Variants in HEMK2 observed in about 807,000 individuals in gnomAD.
The protein encoded by HEMK2 is HemK methyltransferase 2, ETF1 glutamine and histone H4 lysine.
chr21:28,667,142 T>C, the HEMK2 span, among the ~76,000 whole-genome samples: 1 of 152,174 alleles, frequency 6.6e-6, no homozygotes, highest in Non-Finnish European at 1.5e-5. Context: ...TCAGAGTAGG[T>C]CCTGATGAAA....
chr21:28,640,131 G>T, the HEMK2 span, among the ~76,000 whole-genome samples: 4 of 152,218 alleles, frequency 2.6e-5, no homozygotes, highest in African/African-American at 9.6e-5. Flanking sequence ...TCTACAGATA[G>T]ATAGAAGAAT....
At chr21:28,822,925 C>T in the HEMK2 span, among the ~76,000 whole-genome samples, 1 of 152,086 alleles carries the variant, frequency 6.6e-6, no homozygotes, top group Admixed American at 6.6e-5. Flanking sequence ...TTGCTGACAA[C>T]TGTAGTATGT....
chr21:28,840,556 A>T, the HEMK2 span, among the ~76,000 whole-genome samples: 1 of 152,186 alleles, frequency 6.6e-6, no homozygotes, highest in African/African-American at 2.4e-5. Context: ...ACATGAATAG[A>T]CAATTCTCAA....
At chr21:28,866,824 A>G in the HEMK2 span, among the ~76,000 whole-genome samples, 10 of 152,352 alleles carry the variant, frequency 6.6e-5, no homozygotes, top group African/African-American at 2.4e-4. Flanking sequence ...TATATGAATA[A>G]TTAGTTCTTA....
the HEMK2 span, among the ~76,000 whole-genome samples, chr21:28,825,211 C>T: frequency 6.6e-6 from 1 of 152,192 alleles, no homozygotes; most frequent in Non-Finnish European, 1.5e-5. Flanking sequence ...GTGTGTATTA[C>T]AACCCCCTGG....
chr21:28,734,022 G>T, the HEMK2 span, among the ~76,000 whole-genome samples: 3 of 73,862 alleles, frequency 4.1e-5, no homozygotes, highest in East Asian at 1.0e-3. Flanking sequence ...CTGAGAGAGG[G>T]TATTAACATC....
the HEMK2 span, among the ~76,000 whole-genome samples, chr21:28,588,765 C>G: frequency 6.6e-6 from 1 of 151,860 alleles, no homozygotes; most frequent in Non-Finnish European, 1.5e-5. Flanking sequence ...GGTCGGATCA[C>G]AAGGTCAGGA....
the HEMK2 span, among the ~76,000 whole-genome samples, chr21:28,783,743 G>A: frequency 1.2e-3 from 181 of 152,324 alleles, no homozygotes; most frequent in African/African-American, 4.2e-3. Context: ...TCTGCTTGTG[G>A]GGAGGTGTAG....
At chr21:28,848,652 C>G in the HEMK2 span, among the ~76,000 whole-genome samples, 1 of 152,034 alleles carries the variant, frequency 6.6e-6, no homozygotes, top group African/African-American at 2.4e-5. Context: ...TCATTTCTTT[C>G]AAACTCCTTT....
At chr21:28,806,475 G>C in the HEMK2 span, among the ~76,000 whole-genome samples, 2 of 152,092 alleles carry the variant, frequency 1.3e-5, no homozygotes, top group African/African-American at 4.8e-5. Context: ...CAGTAACTCA[G>C]AATGCCACCT....
chr21:28,677,378 G>T, the HEMK2 span, among the ~76,000 whole-genome samples: 1 of 152,206 alleles, frequency 6.6e-6, no homozygotes, highest in Admixed American at 6.5e-5. Context: ...CGAGGCTTGA[G>T]TAGGTAAACA....
At chr21:28,655,112 C>G in the HEMK2 span, among the ~76,000 whole-genome samples, 1 of 152,012 alleles carries the variant, frequency 6.6e-6, no homozygotes, top group Admixed American at 6.6e-5. Flanking sequence ...GTTCTCAAAG[C>G]ACATTTTGAG....
chr21:28,788,290 A>G, the HEMK2 span, among the ~76,000 whole-genome samples: 3 of 111,008 alleles, frequency 2.7e-5, no homozygotes, highest in Admixed American at 9.1e-5. Context: ...ACACACACAC[A>G]CACACACACA....
At chr21:28,669,490 A>G in the HEMK2 span, among the ~76,000 whole-genome samples, 1 of 151,970 alleles carries the variant, frequency 6.6e-6, no homozygotes, top group African/African-American at 2.4e-5. Context: ...GTTAGACTTA[A>G]CCATGTGACT....
the HEMK2 span, among the ~76,000 whole-genome samples, chr21:28,868,146 A>G: frequency 0.84 from 128,414 of 152,106 alleles, 54,636 homozygotes; most frequent in South Asian, 0.93. Flanking sequence ...ATATAAAACT[A>G]TCTTAATTAC....
chr21:28,804,368 G>C, the HEMK2 span, among the ~76,000 whole-genome samples: 1 of 152,070 alleles, frequency 6.6e-6, no homozygotes, highest in Non-Finnish European at 1.5e-5. Flanking sequence ...TCAAAATAAA[G>C]ACAAGAACAG....
the HEMK2 span, among the ~76,000 whole-genome samples, chr21:28,844,546 T>G: frequency 6.6e-6 from 1 of 152,088 alleles, no homozygotes; most frequent in Admixed American, 6.6e-5. Flanking sequence ...GCCTTACATG[T>G]GAATATCTTT....
chr21:28,824,528 A>T, the HEMK2 span, among the ~76,000 whole-genome samples: 2 of 152,266 alleles, frequency 1.3e-5, no homozygotes. Flanking sequence ...TAATGTAATT[A>T]GAAGAAAAAC....
the HEMK2 span, among the ~76,000 whole-genome samples, chr21:28,602,072 G>A: frequency 1.3e-5 from 2 of 152,172 alleles, no homozygotes; most frequent in African/African-American, 4.8e-5. Context: ...AAGAATTTCG[G>A]CTTCCTAAAC....
Sources: allele counts gnomAD v4.1 joint callset (sites outside exome capture counted in the v4.1 genomes callset), GRCh38; gene constraint gnomAD v4.1.1; transcripts MANE v1.5; gene names NCBI Gene and HGNC (gene_info 2026-07-23, HGNC 2026-07-21).